The following DAW1 variants were observed in gnomAD, a reference collection of about 807,000 sequenced individuals.
The protein encoded by DAW1 is dynein assembly factor with WD repeat domains 1.
Under a neutral mutation model 56.5 loss-of-function variants are expected in DAW1, and 47 were observed. The ratio of observed to expected loss-of-function variants is 0.83; its 90% CI spans 0.66 to 1.06. The LOEUF is 1.06. Ranked by LOEUF, DAW1 falls within the 50% of genes least tolerant of loss-of-function variation. The probability of loss-of-function intolerance (pLI) is 0.00; values close to 1 mark genes in which losing one functional copy is unlikely to be tolerated. For missense variants in DAW1, 505 were observed against 499.3 expected, an observed-to-expected ratio of 1.01 and a Z score of -0.11; for synonymous variants, 190 against 179.0, an observed-to-expected ratio of 1.06 and a Z score of -0.49.
rs200078782 is a variant in DAW1, at chr2:227,885,454, T to C, written c.113+31T>C. 4 of 1,542,632 alleles carry C rather than the reference T, an allele frequency of 2.6e-6. No individual in the cohort carries two copies. In the African/African-American group the frequency reaches 4.2e-5, roughly 16 times the overall value. On this transcript the variant is annotated intron_variant, in intron 2 of 12. Coordinates refer to ENST00000309931, the MANE Select transcript of DAW1 (RefSeq NM_178821.3). The stretch of plus-strand genomic sequence containing the variant: ...TAAGCTGTAGGATTCAACAAATAAA[T>C]GTTCACTGGGAAGCCTTGACACAGA...
chr2:227,871,674 A>G lies in DAW1; in HGVS notation c.-16A>G, dbSNP rs750139658. 1 of 1,613,114 alleles carries G rather than the reference A, an allele frequency of 6.2e-7. No individual in the cohort carries two copies. On this transcript the variant is annotated 5_prime_UTR_variant, in exon 1 of 13. Coordinates refer to ENST00000309931, the MANE Select transcript of DAW1 (RefSeq NM_178821.3). ...AGGCTACGAAGCCCATCGGCCGGGG[A>G]TAAGAGAGCAAGAAAATGAAGCTCA... is the stretch of plus-strand genomic sequence containing the variant.
chr2:227,875,013 G>A (rs528253951), intron 1 of DAW1, among the ~76,000 whole-genome samples: 9 of 147,698 alleles, frequency 6.1e-5, no homozygotes, highest in African/African-American at 2.0e-4. Flanking sequence ...AAACCATCCC[G>A]CATAGTCCTG....
chr2:227,875,058 A>G (rs1292781534), intron 1 of DAW1, among the ~76,000 whole-genome samples: 4 of 152,168 alleles, frequency 2.6e-5, no homozygotes, highest in African/African-American at 7.2e-5. Context: ...ATTCATTTGA[A>G]TGTCCACCGT....
chr2:227,921,552 G>C lies in DAW1; in HGVS notation c.1204G>C (p.Val402Leu). ...TGCTTTCAACTATAAAGGCAACATA[G>C]TCATTACAGGTATGGAAGACATCAA... ...SCAFNYKGNI[V>L]ITGSKDNTCR... Residue 402 changes from valine to leucine, a missense_variant, in exon 12 of 13, where the codon GTC becomes CTC. Val to Leu is a conservative substitution (Grantham distance 32). Transcript: ENST00000309931. 1 of 1,613,640 alleles carries C rather than the reference G, an allele frequency of 6.2e-7. No individual in the cohort carries two copies. Among genetic ancestry groups the C allele is most frequent in the Admixed American group, 1.7e-5 (1 of 59,936 alleles).
intron 7 of DAW1, among the ~76,000 whole-genome samples, chr2:227,904,597 C>T (rs1021301374): frequency 1.2e-4 from 18 of 152,194 alleles, no homozygotes; most frequent in African/African-American, 3.6e-4. Context: ...GTGTAAAGGA[C>T]GTCCTCTAGT....
chr2:227,901,122 A>T (rs1691533671), intron 6 of DAW1, among the ~76,000 whole-genome samples: 1 of 152,196 alleles, frequency 6.6e-6, no homozygotes, highest in Non-Finnish European at 1.5e-5. Context: ...CCAGTTGGGG[A>T]TCTTGCTGAA....
At chr2:227,887,954 G>A (rs144752124) in intron 2 of DAW1, among the ~76,000 whole-genome samples, 44 of 152,088 alleles carry the variant, frequency 2.9e-4, no homozygotes, top group Middle Eastern at 6.8e-3. Context: ...TGGATCTTGC[G>A]AGGAAATCTG....
intron 2 of DAW1, among the ~76,000 whole-genome samples, chr2:227,885,641 T>C (rs1424566305): frequency 2.3e-5 from 3 of 131,064 alleles, no homozygotes; most frequent in African/African-American, 2.8e-5. Context: ...TTCTTTTTTT[T>C]CTAAGGTCTT....
rs184709608 is a variant in DAW1, at chr2:227,923,964, G to A, written c.1244G>A (p.Arg415His). The A allele has an allele frequency of 5.0e-5, 81 of 1,614,024 alleles. No homozygotes were observed. The South Asian group carries it at 6.5e-4, about 13-fold the overall frequency. ...AAGGATAATACCTGTAGGATATGGC[G>A]TTGACTGAAGGAAGCTGGTCAGTGA... Reference protein sequence around the residue: ...GSKDNTCRIWR With the variant: ...GSKDNTCRIWH The change falls in exon 13 of 13, where the codon CGT becomes CAT. Residue 415 changes from arginine to histidine, a missense_variant. Physicochemically the swap from Arg to His is conservative, Grantham distance 29. Coordinates refer to ENST00000309931, the MANE Select transcript of DAW1 (RefSeq NM_178821.3).
chr2:227,913,175 C>A (rs1447442621), intron 10 of DAW1, among the ~76,000 whole-genome samples: 2 of 152,154 alleles, frequency 1.3e-5, no homozygotes, highest in African/African-American at 2.4e-5. Flanking sequence ...AGATCATCTT[C>A]TTGATGATGA....
intron 10 of DAW1, among the ~76,000 whole-genome samples, chr2:227,909,714 G>A (rs917622572): frequency 1.3e-5 from 2 of 152,174 alleles, no homozygotes; most frequent in African/African-American, 4.8e-5. Context: ...AGAACCAGAA[G>A]CTCGATGACC....
chr2:227,921,062 G>A (rs1420242558), intron 11 of DAW1, among the ~76,000 whole-genome samples: 1 of 152,154 alleles, frequency 6.6e-6, no homozygotes, highest in East Asian at 1.9e-4. Flanking sequence ...CCACACCAGG[G>A]CCCTGCATCT....
intron 10 of DAW1, among the ~76,000 whole-genome samples, chr2:227,913,133 T>G (rs182770223): frequency 2.6e-5 from 4 of 152,316 alleles, no homozygotes; most frequent in East Asian, 1.9e-4. Flanking sequence ...ACATGCAATT[T>G]TAGGATTCAT....
chr2:227,912,944 C>G (rs1691865126), intron 10 of DAW1, among the ~76,000 whole-genome samples: 1 of 152,154 alleles, frequency 6.6e-6, no homozygotes, highest in Admixed American at 6.5e-5. Flanking sequence ...GATGCCCCAT[C>G]CTTGACAGCT....
intron 5 of DAW1, among the ~76,000 whole-genome samples, chr2:227,897,759 A>G (rs1342664907): frequency 1.2e-4 from 19 of 152,126 alleles, no homozygotes; most frequent in Non-Finnish European, 7.3e-5. Context: ...TATTAACCAT[A>G]TTTTTAATGG....
At chr2:227,881,711 GC>G (rs1291709196) in intron 1 of DAW1, among the ~76,000 whole-genome samples, 1 of 148,008 alleles carries the variant, frequency 6.8e-6, no homozygotes, top group African/African-American at 2.5e-5. Flanking sequence ...TCTATCTGAT[GC>G]CAAGTATACA....
chr2:227,873,334 A>G (rs746036109), intron 1 of DAW1, among the ~76,000 whole-genome samples: 11 of 152,214 alleles, frequency 7.2e-5, no homozygotes, highest in Non-Finnish European at 1.3e-4. Flanking sequence ...TTTCCCATTT[A>G]ATGTAAACTT....
chr2:227,885,099 C>T (rs1339825414), intron 1 of DAW1, among the ~76,000 whole-genome samples: 12 of 152,160 alleles, frequency 7.9e-5, no homozygotes, highest in Non-Finnish European at 1.6e-4. Context: ...CTACCTTCTT[C>T]CATCCAACTT....
At chr2:227,888,343 G>T (rs959436338) in intron 2 of DAW1, among the ~76,000 whole-genome samples, 1 of 152,212 alleles carries the variant, frequency 6.6e-6, no homozygotes, top group South Asian at 2.1e-4. Flanking sequence ...AAGTGGGTGA[G>T]TCAAAGGTTT....
Sources: gnomAD v4.1 joint callset for allele counts (sites outside exome capture counted in the v4.1 genomes callset) on GRCh38, gnomAD v4.1.1 for gene constraint, MANE v1.5 for transcripts, NCBI Gene and HGNC (gene_info 2026-07-23, HGNC 2026-07-21) for gene names.